PTPRG: variants seen among roughly 807,000 people sequenced by gnomAD.
PTPRG encodes protein tyrosine phosphatase receptor type G, also known as receptor-type tyrosine-protein phosphatase gamma.
A neutral mutation model predicts 165.3 loss-of-function variants in PTPRG; 102 were observed. That is an observed-to-expected ratio of 0.62 (90% confidence interval 0.53 to 0.73). The LOEUF is 0.73. Ranked by LOEUF, PTPRG falls within the 30% of genes least tolerant of loss-of-function variation. The pLI is 0.00. For missense variants in PTPRG, 1,866 were observed against 1,861.4 expected, an observed-to-expected ratio of 1.00 and a Z score of -0.05; for synonymous variants, 675 against 669.5, an observed-to-expected ratio of 1.01 and a Z score of -0.13.
At chr3:61,991,876 G>A (rs757598250) in intron 3 of PTPRG, among the ~76,000 whole-genome samples, 3 of 152,174 alleles carry the variant, frequency 2.0e-5, no homozygotes, top group Admixed American at 1.3e-4. Context: ...GGTTTTAGAC[G>A]TATGTAGGGT....
At chr3:61,720,426 C>T (rs536678500) in intron 1 of PTPRG, among the ~76,000 whole-genome samples, 1 of 152,108 alleles carries the variant, frequency 6.6e-6, no homozygotes, top group Non-Finnish European at 1.5e-5. Flanking sequence ...TCCCGGCCAA[C>T]GGGAATTTTT....
intron 2 of PTPRG, among the ~76,000 whole-genome samples, chr3:61,869,091 A>G (rs2037489654): frequency 6.6e-6 from 1 of 151,992 alleles, no homozygotes; most frequent in Admixed American, 6.5e-5. Context: ...ATTTTATTTT[A>G]ACTCTGAGGG....
At chr3:62,256,857 A>T (rs1701548069) in intron 16 of PTPRG, among the ~76,000 whole-genome samples, 1 of 152,176 alleles carries the variant, frequency 6.6e-6, no homozygotes, top group South Asian at 2.1e-4. Flanking sequence ...CTGACTTAAA[A>T]TGGGCTTTGC....
At chr3:61,594,791 A>G (rs947112147) in intron 1 of PTPRG, among the ~76,000 whole-genome samples, 2 of 152,202 alleles carry the variant, frequency 1.3e-5, no homozygotes, top group African/African-American at 4.8e-5. Flanking sequence ...TCCTGCTTTC[A>G]AGCCTGACTC....
chr3:61,824,678 G>T (rs984629238), intron 2 of PTPRG, among the ~76,000 whole-genome samples: 1 of 152,146 alleles, frequency 6.6e-6, no homozygotes, highest in African/African-American at 2.4e-5. Context: ...GCACATGCCT[G>T]TACTCAAGAG....
chr3:61,669,843 G>C (rs1291837060), intron 1 of PTPRG, among the ~76,000 whole-genome samples: 2 of 152,202 alleles, frequency 1.3e-5, no homozygotes, highest in East Asian at 3.8e-4. Flanking sequence ...AGGGAGGAGG[G>C]AAGGGCTCAC....
intron 1 of PTPRG, among the ~76,000 whole-genome samples, chr3:61,719,420 A>C (rs2031954493): frequency 6.6e-6 from 1 of 152,072 alleles, no homozygotes; most frequent in African/African-American, 2.4e-5. Context: ...TGGGGAGTGC[A>C]TACTCAGGGG....
intron 2 of PTPRG, among the ~76,000 whole-genome samples, chr3:61,782,536 A>T (rs955785924): frequency 6.6e-6 from 1 of 152,250 alleles, no homozygotes; most frequent in Non-Finnish European, 1.5e-5. Context: ...TGTCATGTGT[A>T]TAAAGACGTC....
intron 1 of PTPRG, among the ~76,000 whole-genome samples, chr3:61,613,530 T>C (rs1256817426): frequency 6.6e-6 from 1 of 152,240 alleles, no homozygotes; most frequent in East Asian, 1.9e-4. Flanking sequence ...TTAAATTATC[T>C]ATTTAAAACC....
chr3:62,099,667 A>AAGCAAACACTGCAATTAAGAAT (rs1702222338), intron 5 of PTPRG, among the ~76,000 whole-genome samples: 5 of 152,138 alleles, frequency 3.3e-5, no homozygotes, highest in Admixed American at 3.3e-4. Flanking sequence ...TTAATACCAT[A>AAGCAAACACTGCAATTAAGAAT]AGCAAACACT....
intron 2 of PTPRG, among the ~76,000 whole-genome samples, chr3:61,882,098 A>C (rs2037904566): frequency 6.6e-6 from 1 of 152,228 alleles, no homozygotes; most frequent in East Asian, 1.9e-4. Flanking sequence ...CTTTTAAAGA[A>C]AATACATGTC....
At chr3:61,705,633 G>A (rs2031209261) in intron 1 of PTPRG, among the ~76,000 whole-genome samples, 1 of 152,174 alleles carries the variant, frequency 6.6e-6, no homozygotes, top group African/African-American at 2.4e-5. Context: ...AATGAATCAG[G>A]TGTTATGGGC....
chr3:61,925,743 T>TAA (rs35919403), intron 2 of PTPRG: 2,463 of 330,058 alleles, frequency 7.5e-3, no homozygotes, highest in South Asian at 0.017. Context: ...ACTCTATCTT[T>TAA]AAAAAAAAAA....
chr3:62,073,204 C>T (rs1368400000), intron 4 of PTPRG, among the ~76,000 whole-genome samples: 1 of 152,110 alleles, frequency 6.6e-6, no homozygotes, highest in Admixed American at 6.6e-5. Flanking sequence ...ATTCCTTACT[C>T]TAGAATGCCA....
chr3:61,778,953 G>C (rs1487116584), intron 2 of PTPRG, among the ~76,000 whole-genome samples: 1 of 152,102 alleles, frequency 6.6e-6, no homozygotes, highest in Non-Finnish European at 1.5e-5. Flanking sequence ...CTGAGAGGGA[G>C]GGAAGGAGGA....
At chr3:61,823,216 A>T in intron 2 of PTPRG, among the ~76,000 whole-genome samples, 1 of 152,138 alleles carries the variant, frequency 6.6e-6, no homozygotes, top group East Asian at 1.9e-4. Flanking sequence ...TTTGAGATGG[A>T]GTCTTGTTCT....
At chr3:62,047,337 G>T (rs1481800246) in intron 4 of PTPRG, among the ~76,000 whole-genome samples, 1 of 151,964 alleles carries the variant, frequency 6.6e-6, no homozygotes, top group Non-Finnish European at 1.5e-5. Context: ...TCAGCTCGCT[G>T]CAACCTCCGC....
At chr3:61,777,154 C>T (rs1034084101) in intron 2 of PTPRG, among the ~76,000 whole-genome samples, 4 of 152,092 alleles carry the variant, frequency 2.6e-5, no homozygotes, top group African/African-American at 7.2e-5. Flanking sequence ...AAATTTTACT[C>T]GGTAGCTTTA....
chr3:61,956,215 A>G (rs1173776891), intron 2 of PTPRG, among the ~76,000 whole-genome samples: 2 of 151,950 alleles, frequency 1.3e-5, no homozygotes, highest in African/African-American at 4.8e-5. Context: ...TCATTCCGTT[A>G]ATTACTTGTG....
Sources: allele counts gnomAD v4.1 joint callset (sites outside exome capture counted in the v4.1 genomes callset), GRCh38; gene constraint gnomAD v4.1.1; transcripts MANE v1.5; gene names NCBI Gene and HGNC (gene_info 2026-07-23, HGNC 2026-07-21).